MME: variants seen among roughly 807,000 people sequenced by gnomAD.
MME encodes the protein neprilysin.
A neutral mutation model predicts 113.2 loss-of-function variants in MME; 98 were observed. That is an observed-to-expected ratio of 0.87 (90% CI 0.74 to 1.02). The LOEUF is 1.02. Ranked by LOEUF, MME falls within the 50% of genes least tolerant of loss-of-function variation. The pLI, the probability that MME is intolerant of heterozygous loss-of-function variation, is 0.00. For synonymous variants in MME, 292 were observed against 300.6 expected (o/e 0.97, Z 0.30); for missense variants, 836 against 896.0 (o/e 0.93, Z 0.86).
chr3:155,137,980 G>A (rs748810986), intron 8 of MME, 122 bp from the exon 9 acceptor site: 4 of 1,095,880 alleles, frequency 3.7e-6, no homozygotes, highest in Non-Finnish European at 5.5e-6. Context: ...CTTAGAAAAG[G>A]ATTTTTATTT....
At chr3:155,175,758 G>A (rs1284140280) in intron 22 of MME, among the ~76,000 whole-genome samples, 1 of 127,548 alleles carries the variant, frequency 7.8e-6, no homozygotes, top group Non-Finnish European at 1.6e-5. Flanking sequence ...TTTGTCTAGT[G>A]TTTTATATAG....
At chr3:155,102,001 C>T (rs1717274869) in intron 3 of MME, among the ~76,000 whole-genome samples, 1 of 152,040 alleles carries the variant, frequency 6.6e-6, no homozygotes, top group South Asian at 2.1e-4. Context: ...AGCCATCACA[C>T]CTATTAGGAG....
At chr3:155,104,516 T>C (rs1433683341) in intron 3 of MME, among the ~76,000 whole-genome samples, 2 of 152,218 alleles carry the variant, frequency 1.3e-5, no homozygotes, top group Non-Finnish European at 2.9e-5. Context: ...GCTGTTGTCT[T>C]TTTGTACCAC....
intron 14 of MME, among the ~76,000 whole-genome samples, chr3:155,146,855 G>A (rs964339902): frequency 3.9e-5 from 6 of 151,954 alleles, no homozygotes; most frequent in Non-Finnish European, 8.8e-5. Context: ...GTTCATAAAA[G>A]TACAAAATAT....
At chr3:155,066,225 T>C (rs761690312) in intron 1 of MME, among the ~76,000 whole-genome samples, 1 of 152,216 alleles carries the variant, frequency 6.6e-6, no homozygotes, top group Non-Finnish European at 1.5e-5. Context: ...GACAATGTAA[T>C]TTAAAAAATG....
chr3:155,154,579 C>T (rs1321838099), intron 16 of MME, among the ~76,000 whole-genome samples: 9 of 152,214 alleles, frequency 5.9e-5, no homozygotes, highest in African/African-American at 1.2e-4. Flanking sequence ...TTGGCTTCTC[C>T]GCATCAAATG....
intron 12 of MME, among the ~76,000 whole-genome samples, chr3:155,142,782 C>T (rs932562521): frequency 1.3e-5 from 2 of 151,976 alleles, no homozygotes; most frequent in African/African-American, 4.8e-5. Context: ...TAGCCTATAC[C>T]TATATTATTT....
chr3:155,133,032 C>T (rs1720263040), intron 8 of MME, among the ~76,000 whole-genome samples: 1 of 78,960 alleles, frequency 1.3e-5, no homozygotes, highest in Admixed American at 1.3e-4. Context: ...CAAGAGCAAA[C>T]CCCGTCTAAA....
At chr3:155,151,717 C>T (rs748003195) in intron 16 of MME, among the ~76,000 whole-genome samples, 24 of 152,100 alleles carry the variant, frequency 1.6e-4, no homozygotes, top group Non-Finnish European at 2.5e-4. Context: ...AGACTTATCC[C>T]TTTCTGTTAT....
At chr3:155,125,167 A>T (rs962272583) in intron 8 of MME, among the ~76,000 whole-genome samples, 2 of 147,844 alleles carry the variant, frequency 1.4e-5, no homozygotes, top group African/African-American at 4.9e-5. Context: ...TTCGGGTGGG[A>T]GTGACCCGAT....
At chr3:155,097,591 G>A (rs758889382) in intron 3 of MME, among the ~76,000 whole-genome samples, 1 of 152,164 alleles carries the variant, frequency 6.6e-6, no homozygotes, top group Non-Finnish European at 1.5e-5. Flanking sequence ...TGTATATCCA[G>A]AGAAAAGAAT....
At chr3:155,143,399 C>A in intron 12 of MME, 44 bp from the exon 13 acceptor site, 1 of 1,603,958 alleles carries the variant, frequency 6.2e-7, no homozygotes, top group Non-Finnish European at 8.5e-7. Context: ...ATGCTCCAGA[C>A]CTTTCCTTCT....
chr3:155,160,319 C>A, intron 16 of MME, 71 bp from the exon 17 acceptor site: 1 of 1,021,688 alleles, frequency 9.8e-7, no homozygotes, highest in Non-Finnish European at 1.6e-6. Context: ...GGTAATAATG[C>A]TTTAATTGTG....
chr3:155,165,062 C>T (rs1039546380), intron 17 of MME, among the ~76,000 whole-genome samples: 2 of 151,996 alleles, frequency 1.3e-5, no homozygotes, highest in African/African-American at 4.8e-5. Flanking sequence ...GGTCAGGGCC[C>T]TTGTTTTATT....
chr3:155,086,312 T>C (rs1163927994), intron 3 of MME, among the ~76,000 whole-genome samples: 1 of 151,912 alleles, frequency 6.6e-6, no homozygotes, highest in East Asian at 1.9e-4. Context: ...CACACAGAAA[T>C]AGAGAGGTTA....
intron 3 of MME, among the ~76,000 whole-genome samples, chr3:155,097,628 G>A (rs544543345): frequency 6.5e-4 from 99 of 152,216 alleles, no homozygotes; most frequent in African/African-American, 2.0e-3. Context: ...ATAAAGGATG[G>A]CCTCCTCCTC....
Position 155,116,662 on chromosome 3 carries a change from A to C in MME, c.440-2A>C, listed in dbSNP as rs200435950. The C allele has an allele frequency of 1.4e-5, 23 of 1,609,404 alleles. No individual in the cohort carries two copies. The highest frequency in any genetic ancestry group is 1.9e-5 in the Non-Finnish European group (22 of 1,177,508). On this transcript the variant is annotated splice_acceptor_variant, in intron 5 of 22. Coordinates refer to ENST00000360490, the MANE Select transcript of MME (RefSeq NM_007289.4). LOFTEE classifies it high-confidence loss of function. The stretch of plus-strand genomic sequence containing the variant: ...TGAATTTATGTTTGTTGTTTCCAAA[A>C]GCTGCTATTGATAGCAGAGGTGGAG...
In MME at chr3:155,180,347, G is replaced by C. The variant is rs199816998; in HGVS notation, c.2154-13G>C. ...TCAAATGCTGACGGTGACTTTTTTT[G>C]TTTGTTTCAAAGGATTATTGGGACT... On this transcript the variant is annotated splice_polypyrimidine_tract_variant and intron_variant, in intron 22 of 22. Transcript: ENST00000360490. 4 of 1,607,904 alleles carry C rather than the reference G, an allele frequency of 2.5e-6. No individual in the cohort carries two copies. In the African/African-American group the frequency reaches 5.4e-5, roughly 22 times the overall value.
intron 1 of MME, among the ~76,000 whole-genome samples, chr3:155,026,476 C>T (rs1712792247): frequency 6.6e-6 from 1 of 152,146 alleles, no homozygotes; most frequent in Non-Finnish European, 1.5e-5. Flanking sequence ...GTAATCCCAG[C>T]ACTTTGGGAG....
Sources: gnomAD v4.1 joint callset for allele counts (sites outside exome capture counted in the v4.1 genomes callset) on GRCh38, gnomAD v4.1.1 for gene constraint, MANE v1.5 for transcripts, NCBI Gene and HGNC (gene_info 2026-07-23, HGNC 2026-07-21) for gene names.